Variants in CENPE observed in about 807,000 individuals in gnomAD.
CENPE encodes centromere-associated protein E.
CENPE carries 145 observed loss-of-function variants against 336.1 expected under a neutral mutation model. The observed-to-expected ratio is 0.43, with a 90% CI of 0.38 to 0.50. The LOEUF (loss-of-function observed/expected upper bound fraction) is 0.50, where lower values mean the gene tolerates loss of function less well. Among genes scored for constraint, CENPE ranks in the 20% least tolerant of loss-of-function variants. The pLI is 0.00. For synonymous variants in CENPE, 1,013 were observed against 984.8 expected (o/e 1.03, Z -0.54); for missense variants, 2,719 against 3,023.3 (o/e 0.90, Z 2.36).
rs1280349109 is a variant in CENPE, at chr4:103,161,084, A to G, written c.2131+2T>C. ...AAAAAGATGTTTAAAATTACAAAATACCTTTTGGAACTTTGCCATCTATAA... is the reference window on the plus strand; with the variant it reads ...AAAAAGATGTTTAAAATTACAAAATGCCTTTTGGAACTTTGCCATCTATAA... On this transcript the variant is annotated splice_donor_variant, in intron 20 of 48. Coordinates refer to ENST00000265148, the MANE Select transcript of CENPE (RefSeq NM_001813.3). LOFTEE classifies it high-confidence loss of function. 4 of 1,572,592 alleles carry G rather than the reference A, an allele frequency of 2.5e-6. No homozygotes were observed. Among genetic ancestry groups the G allele is most frequent in the Non-Finnish European group, 3.4e-6 (4 of 1,163,394 alleles).
chr4:103,157,436 T>G (rs2125963860), intron 24 of CENPE, among the ~76,000 whole-genome samples: 1 of 152,140 alleles, frequency 6.6e-6, no homozygotes, highest in East Asian at 1.9e-4. Context: ...TAACACATGC[T>G]ACAACATGGA....
intron 24 of CENPE, 105 bp downstream of exon 24, chr4:103,158,195 C>T (rs1754119408): frequency 1.3e-6 from 1 of 780,850 alleles, no homozygotes; most frequent in Non-Finnish European, 1.9e-6. Flanking sequence ...TAGTTATTAC[C>T]ATTGTGAGTA....
chr4:103,175,208 C>T (rs2126006549), intron 15 of CENPE, among the ~76,000 whole-genome samples: 1 of 152,054 alleles, frequency 6.6e-6, no homozygotes, highest in Middle Eastern at 3.4e-3. Flanking sequence ...TTTTATGTCT[C>T]AGATGGTTCT....
At chr4:103,150,359 A>C (rs550735312) in intron 26 of CENPE, among the ~76,000 whole-genome samples, 4 of 152,178 alleles carry the variant, frequency 2.6e-5, no homozygotes, top group Non-Finnish European at 5.9e-5. Context: ...AGGCAGGAAG[A>C]CTGCTTGAGC....
At chr4:103,176,798 A>AT in intron 14 of CENPE, 101 bp downstream of exon 14, 1 of 888,480 alleles carries the variant, frequency 1.1e-6, no homozygotes, top group East Asian at 2.6e-5. Flanking sequence ...AATACACAGT[A>AT]TTTAAACATG....
chr4:103,198,190 G>C (rs547707811), intron 1 of CENPE, 74 bp downstream of exon 1: 2 of 1,419,406 alleles, frequency 1.4e-6, no homozygotes, highest in East Asian at 2.5e-5. Flanking sequence ...TGGAAACATC[G>C]TAGGCCTCGC....
chr4:103,194,411 T>C lies in CENPE; in HGVS notation c.590A>G (p.Asn197Ser). The C allele has an allele frequency of 1.2e-6, 2 of 1,611,290 alleles. No individual in the cohort carries two copies. Among genetic ancestry groups the C allele is most frequent in the Non-Finnish European group, 1.7e-6 (2 of 1,178,344 alleles). ...GGTATGAGAACGACTGCTTCTTTGA[T>C]TCATTTTTGTTTCTCCATAATGCCT... The part of the protein sequence containing the change: ...KSRHYGETKM[N>S]QRSSRSHTIF... Residue 197 changes from asparagine (N) to serine (S), a missense_variant, in exon 7 of 49, where the codon AAT becomes AGT. Transcript: ENST00000265148.
intron 46 of CENPE, among the ~76,000 whole-genome samples, chr4:103,112,157 T>C (rs1174875374): frequency 6.6e-6 from 1 of 150,716 alleles, no homozygotes; most frequent in African/African-American, 2.4e-5. Flanking sequence ...TGTGTGCACA[T>C]GCATATATAT....
chr4:103,171,626 C>G (rs1755417954), intron 16 of CENPE, among the ~76,000 whole-genome samples: 1 of 150,794 alleles, frequency 6.6e-6, no homozygotes, highest in Non-Finnish European at 1.5e-5. Context: ...CAAACTAAAC[C>G]CCAAATTAGC....
Position 103,138,423 on chromosome 4 carries a change from A to T in CENPE, c.6231T>A (p.Pro2077=). 1 of 1,613,518 alleles carries T rather than the reference A, an allele frequency of 6.2e-7. No homozygotes were observed. The highest frequency in any genetic ancestry group is 8.5e-7 in the Non-Finnish European group (1 of 1,179,534). ...GTCCATCACTTAGTAACCTTTTTTC[A>T]GGTTTTACTTGGTGGTTCTGTCGGT... ...ARDRQNHQVK[P]EKRLLSDGQQ... Residue 2077 remains proline (P), a synonymous_variant, in exon 39 of 49, where the codon CCT becomes CCA. Coordinates refer to ENST00000265148, the MANE Select transcript of CENPE (RefSeq NM_001813.3).
chr4:103,161,664 T>C (rs1207184918), intron 18 of CENPE, among the ~76,000 whole-genome samples: 1 of 152,150 alleles, frequency 6.6e-6, no homozygotes, highest in Non-Finnish European at 1.5e-5. Context: ...ATATAAGCAA[T>C]ATATCAAATT....
At chr4:103,129,521 G>A (rs1017476303) in intron 42 of CENPE, among the ~76,000 whole-genome samples, 1 of 151,960 alleles carries the variant, frequency 6.6e-6, no homozygotes, top group African/African-American at 2.4e-5. Context: ...GGTGGATCAC[G>A]AGGTCAGGAG....
intron 41 of CENPE, 88 bp from the exon 42 acceptor site, chr4:103,132,984 A>ATATAT (rs1578575064): frequency 3.2e-5 from 6 of 187,774 alleles, no homozygotes; most frequent in South Asian, 2.0e-4. Flanking sequence ...ATATATATAT[A>ATATAT]AAATAAAAAG....
chr4:103,141,749 C>T lies in CENPE; in HGVS notation c.5463+1G>A, dbSNP rs765404116. The T allele has an allele frequency of 5.3e-6, 8 of 1,507,552 alleles. No homozygotes were observed. Among genetic ancestry groups the T allele is most frequent in the Middle Eastern group, 2.0e-4 (1 of 4,958 alleles). The allele number at this position is 1,507,552 out of a possible 1,614,324, so 93.4% of individuals were successfully genotyped here. A position where few individuals can be genotyped will look rare whatever the true frequency, so the allele number is the denominator to read the frequency against. ...ATCAAACAATCCCCCCATAAAAATA[C>T]CTTTTCTTGTAATTTAGCATTTGAA... On this transcript the variant is annotated splice_donor_variant, in intron 35 of 48. Coordinates refer to ENST00000265148, the MANE Select transcript of CENPE (RefSeq NM_001813.3). LOFTEE classifies it high-confidence loss of function.
rs543868735 is a variant in CENPE, at chr4:103,151,373, A to G, written c.3242T>C (p.Ile1081Thr). The G allele has an allele frequency of 8.9e-6, 14 of 1,566,632 alleles. No homozygotes were observed. Among genetic ancestry groups the G allele is most frequent in the Middle Eastern group, 1.7e-4 (1 of 5,836 alleles). The change falls in exon 26 of 49, where the codon ATT (isoleucine) becomes ACT (threonine). Residue 1081 changes from isoleucine (I) to threonine (T), a missense_variant. This residue lies in a region of CENPE where 2,437 missense variants were observed against 2,513.3 expected (regional missense o/e 0.97). Coordinates refer to ENST00000265148, the MANE Select transcript of CENPE (RefSeq NM_001813.3). ...AAGTCTTAATTCTTCCTGGTTTTCA[A>G]TGGTCTAGAAAGAAAAAAAAAGTTG... ...TDLKENIEMT[I>T]ENQEELRLLG...
At chr4:103,141,611 G>T in intron 35 of CENPE, 139 bp downstream of exon 35, 1 of 578,786 alleles carries the variant, frequency 1.7e-6, no homozygotes, top group South Asian at 2.3e-5. Flanking sequence ...TGGAAATGTT[G>T]GGCCTCAGGC....
At chr4:103,185,947 G>T in intron 8 of CENPE, 86 bp from the exon 9 acceptor site, 4 of 844,488 alleles carry the variant, frequency 4.7e-6, no homozygotes, top group African/African-American at 1.7e-5. Context: ...TTTAATACAT[G>T]GTATATCTGA....
chr4:103,130,309 A>G (rs905256401), intron 42 of CENPE, among the ~76,000 whole-genome samples: 10 of 152,234 alleles, frequency 6.6e-5, no homozygotes, highest in African/African-American at 2.4e-4. Context: ...CTAAATAAGC[A>G]ACTATCGCAA....
At chr4:103,194,463 C>A in intron 6 of CENPE, 22 bp from the exon 7 acceptor site, 2 of 1,546,846 alleles carry the variant, frequency 1.3e-6, no homozygotes, top group Non-Finnish European at 1.8e-6. Flanking sequence ...AGTTATATTT[C>A]AGCTGCATAT....
Sources: allele counts gnomAD v4.1 joint callset (sites outside exome capture counted in the v4.1 genomes callset), GRCh38; gene constraint gnomAD v4.1.1; regional missense constraint gnomAD v4.1.1; transcripts MANE v1.5; gene names NCBI Gene and HGNC (gene_info 2026-07-23, HGNC 2026-07-21).